The following SORCS1 variants were observed in gnomAD, a reference collection of about 807,000 sequenced individuals.
The protein encoded by SORCS1 is VPS10 domain-containing receptor SorCS1.
A neutral mutation model predicts 146.1 loss-of-function variants in SORCS1; 60 were observed. The observed-to-expected ratio is 0.41, with a 90% CI of 0.33 to 0.51. SORCS1 has a LOEUF of 0.51. Ranked by LOEUF, SORCS1 falls within the 20% of genes least tolerant of loss-of-function variation. The pLI, the probability that SORCS1 is intolerant of heterozygous loss-of-function variation, is 0.21. For synonymous variants in SORCS1, 637 were observed against 584.0 expected, an observed-to-expected ratio of 1.09 and a Z score of -1.31; for missense variants, 1,352 against 1,487.6, an observed-to-expected ratio of 0.91 and a Z score of 1.50.
At chr10:106,827,526 G>A (rs1347600706) in intron 3 of SORCS1, among the ~76,000 whole-genome samples, 1 of 152,114 alleles carries the variant, frequency 6.6e-6, no homozygotes, top group Admixed American at 6.5e-5. Context: ...ATAGCACATT[G>A]CCTAGCATAC....
Position 106,610,295 on chromosome 10 carries a change from G to A in SORCS1, c.3033+1616C>T, listed in dbSNP as rs113277837. Among the ~76,000 whole-genome samples the A allele has an allele frequency of 3.6e-3, 553 of 152,086 alleles. 2 individuals are homozygous for A. Among genetic ancestry groups the A allele is most frequent in the African/African-American group, 0.013 (524 of 41,488 alleles). On this transcript the variant is annotated intron_variant, in intron 22 of 25. Coordinates refer to ENST00000263054, the MANE Select transcript of SORCS1 (RefSeq NM_052918.5). ...AAAAATCAAGATTCAAACCTTGATG[G>A]TTTGACTCCAGAATCTGATCTTTAA...
intron 2 of SORCS1, among the ~76,000 whole-genome samples, chr10:106,897,978 G>A (rs1007370218): frequency 6.6e-5 from 10 of 152,208 alleles, no homozygotes; most frequent in South Asian, 4.1e-4. Flanking sequence ...GACCCATGGC[G>A]ATTCTGTAAA....
chr10:107,072,628 T>C lies in SORCS1; in HGVS notation c.558+91341A>G, dbSNP rs571983203. ...ATACACATATATATATACACACATA[T>C]ATAGACACATGGCGAGAGGGAGAGA... is the stretch of plus-strand genomic sequence containing the variant. On this transcript the variant is annotated intron_variant, in intron 1 of 25. Transcript: ENST00000263054. Among the ~76,000 whole-genome samples, 8 of 151,824 alleles carry C rather than the reference T, an allele frequency of 5.3e-5. No individual in the cohort carries two copies. In the South Asian group the frequency reaches 1.0e-3, roughly 20 times the overall value.
chr10:106,771,470 C>T (rs1745982310), intron 4 of SORCS1, among the ~76,000 whole-genome samples: 1 of 152,166 alleles, frequency 6.6e-6, no homozygotes, highest in South Asian at 2.1e-4. Flanking sequence ...AGTCAGCTAG[C>T]AATGAAGTAA....
At chr10:106,638,043 T>C (rs1455583561) in intron 18 of SORCS1, among the ~76,000 whole-genome samples, 1 of 152,158 alleles carries the variant, frequency 6.6e-6, no homozygotes, top group Non-Finnish European at 1.5e-5. Flanking sequence ...TCCCTCTAGA[T>C]ATTATGGTAC....
intron 17 of SORCS1, among the ~76,000 whole-genome samples, chr10:106,662,198 A>G (rs11598223): frequency 0.076 from 11,501 of 152,288 alleles, 576 homozygotes; most frequent in East Asian, 0.22. Flanking sequence ...GCACAATAAT[A>G]ACCGATGCCA....
intron 1 of SORCS1, among the ~76,000 whole-genome samples, chr10:107,124,961 T>C (rs1966625046): frequency 6.8e-6 from 1 of 146,996 alleles, no homozygotes; most frequent in Non-Finnish European, 1.5e-5. Context: ...TTCTTTTTTT[T>C]TTTTTTTTTT....
intron 4 of SORCS1, among the ~76,000 whole-genome samples, chr10:106,768,921 T>A (rs1859777901): frequency 6.6e-6 from 1 of 152,238 alleles, no homozygotes. Context: ...GGTACTCTTA[T>A]TATTGTTCCC....
intron 1 of SORCS1, among the ~76,000 whole-genome samples, chr10:107,021,664 T>C (rs1700649402): frequency 6.6e-6 from 1 of 152,074 alleles, no homozygotes; most frequent in Non-Finnish European, 1.5e-5. Context: ...TAGAGTCAGG[T>C]AGGCTTAGTC....
intron 2 of SORCS1, among the ~76,000 whole-genome samples, chr10:106,952,229 T>C (rs1398485803): frequency 6.6e-6 from 1 of 152,180 alleles, no homozygotes; most frequent in Non-Finnish European, 1.5e-5. Context: ...TTGGCAATAA[T>C]AGTTGTCTCA....
intron 2 of SORCS1, among the ~76,000 whole-genome samples, chr10:106,919,212 T>G (rs893673611): frequency 1.3e-5 from 2 of 152,214 alleles, no homozygotes; most frequent in Non-Finnish European, 2.9e-5. Flanking sequence ...GATGGTATGA[T>G]AGCTATGCCC....
At chr10:106,804,592 A>G (rs1589921791) in intron 3 of SORCS1, among the ~76,000 whole-genome samples, 1 of 152,266 alleles carries the variant, frequency 6.6e-6, no homozygotes, top group Middle Eastern at 3.4e-3. Context: ...TTCATAAAAT[A>G]AAAGAAATGC....
intron 1 of SORCS1, among the ~76,000 whole-genome samples, chr10:107,021,485 G>A (rs186323628): frequency 8.4e-6 from 1 of 118,828 alleles, no homozygotes; most frequent in East Asian, 2.9e-4. Context: ...CTGCACTCCA[G>A]TCTAGGCAAC....
chr10:106,586,699 C>A (rs1037881530), intron 24 of SORCS1, among the ~76,000 whole-genome samples: 1 of 152,198 alleles, frequency 6.6e-6, no homozygotes, highest in Admixed American at 6.5e-5. Flanking sequence ...CTCATGCCTG[C>A]AATCTCAATG....
intron 1 of SORCS1, among the ~76,000 whole-genome samples, chr10:107,104,396 G>T (rs1393823553): frequency 1.3e-5 from 2 of 152,160 alleles, no homozygotes; most frequent in Non-Finnish European, 2.9e-5. Flanking sequence ...GGCTTGAAAG[G>T]TCTGGCTTTC....
Position 106,629,512 on chromosome 10 carries a change from AC to A in SORCS1, c.2476-125del. ...ATGATGGCAGCCCTGGCTCACTCCT[AC>A]AGCTAGGAGCATCTGCCTGCCTTTG... On this transcript the variant is annotated intron_variant, in intron 18 of 25. Transcript: ENST00000263054. 4 of 888,208 alleles carry A rather than the reference AC, an allele frequency of 4.5e-6. No homozygotes were observed. In the Admixed American group the frequency reaches 1.0e-4, roughly 22 times the overall value. 55.0% of individuals were successfully genotyped at this position (888,208 alleles called of 1,614,324 possible).
chr10:106,674,135 T>C (rs1159210214), intron 14 of SORCS1, among the ~76,000 whole-genome samples: 1 of 138,932 alleles, frequency 7.2e-6, no homozygotes, highest in Non-Finnish European at 1.5e-5. Flanking sequence ...GCTAACGTGG[T>C]GAAACTCTGT....
chr10:106,626,701 T>C (rs1175647953), intron 19 of SORCS1, among the ~76,000 whole-genome samples: 1 of 152,198 alleles, frequency 6.6e-6, no homozygotes, highest in Non-Finnish European at 1.5e-5. Flanking sequence ...AAAAAGAGTT[T>C]GTGGGCATAG....
At chr10:106,707,382 T>TG (rs1286469467) in intron 7 of SORCS1, among the ~76,000 whole-genome samples, 2 of 151,648 alleles carry the variant, frequency 1.3e-5, no homozygotes, top group Non-Finnish European at 1.5e-5. Flanking sequence ...GTAGAGATGG[T>TG]GGGGGGGAGG....
Sources: gnomAD v4.1 joint callset for allele counts (sites outside exome capture counted in the v4.1 genomes callset) on GRCh38, gnomAD v4.1.1 for gene constraint, MANE v1.5 for transcripts, NCBI Gene and HGNC (gene_info 2026-07-23, HGNC 2026-07-21) for gene names.